SLC38A8: variants seen among roughly 807,000 people sequenced by gnomAD.
The protein encoded by SLC38A8 is solute carrier family 38 member 8.
A neutral mutation model predicts 46.0 loss-of-function variants in SLC38A8; 65 were observed. The observed-to-expected ratio is 1.41, with a 90% CI of 1.16 to 1.74. The LOEUF (loss-of-function observed/expected upper bound fraction) is 1.74, where lower values mean the gene tolerates loss of function less well. Among genes scored for constraint, SLC38A8 ranks in the 40% most tolerant of loss-of-function variants. SLC38A8 has a pLI of 0.00. For missense variants in SLC38A8, 998 were observed against 567.9 expected, an observed-to-expected ratio of 1.76 and a Z score of -7.70; for synonymous variants, 447 against 243.7, an observed-to-expected ratio of 1.83 and a Z score of -7.77.
At chr16:84,011,904 G>T (rs996962595) in intron 10 of SLC38A8, among the ~76,000 whole-genome samples, 1 of 152,092 alleles carries the variant, frequency 6.6e-6, no homozygotes, top group African/African-American at 2.4e-5. Context: ...ATAAATAAAA[G>T]CAGAGGGATT....
chr16:84,028,586 A>C (rs1243931157), intron 6 of SLC38A8, among the ~76,000 whole-genome samples: 2 of 151,558 alleles, frequency 1.3e-5, no homozygotes, highest in African/African-American at 4.8e-5. Flanking sequence ...AAAAAAAAGA[A>C]AGAAATGGAA....
intron 2 of SLC38A8, among the ~76,000 whole-genome samples, chr16:84,040,700 C>T (rs1597282848): frequency 6.6e-6 from 1 of 152,330 alleles, no homozygotes; most frequent in East Asian, 1.9e-4. Context: ...CTTACCATTT[C>T]CAGTGGGGCT....
chr16:84,026,681 CAG>C (rs2085168253), intron 6 of SLC38A8, among the ~76,000 whole-genome samples: 1 of 152,190 alleles, frequency 6.6e-6, no homozygotes, highest in East Asian at 1.9e-4. Flanking sequence ...CATCAAAGGA[CAG>C]GGGATAAAGC....
At chr16:84,017,106 G>A in intron 8 of SLC38A8, 34 bp downstream of exon 8, 3 of 1,612,052 alleles carry the variant, frequency 1.9e-6, no homozygotes, top group Non-Finnish European at 2.5e-6. Context: ...AGCAGACCAT[G>A]CTTCACGGTG....
At chr16:84,030,257 C>T (rs911854599) in intron 5 of SLC38A8, among the ~76,000 whole-genome samples, 5 of 152,086 alleles carry the variant, frequency 3.3e-5, no homozygotes, top group African/African-American at 1.2e-4. Flanking sequence ...CTGGAGTCTT[C>T]GGAGGGAGCA....
In SLC38A8 at chr16:84,031,988, A is replaced by G; in HGVS notation, c.531-20T>C. 6.2e-7 allele frequency: 1 copy of G among 1,607,910 alleles called. No homozygotes were observed. Among genetic ancestry groups the G allele is most frequent in the Admixed American group, 1.7e-5 (1 of 59,970 alleles). ...AGGATGCTAACACAGTGACCGTGTG[A>G]GGGGCTGCGCAGTGGGTGACATGTG... On this transcript the variant is annotated intron_variant, in intron 4 of 10. Coordinates refer to ENST00000299709, the MANE Select transcript of SLC38A8 (RefSeq NM_001080442.3).
At chr16:84,041,856 G>A (rs527586252) in intron 2 of SLC38A8, 113 bp downstream of exon 2, 49 of 940,722 alleles carry the variant, frequency 5.2e-5, no homozygotes, top group African/African-American at 3.5e-4. Context: ...ATAAAACCCC[G>A]AAGCTATAGC....
intron 9 of SLC38A8, 113 bp downstream of exon 9, chr16:84,016,406 T>G (rs2085025829): frequency 1.6e-6 from 2 of 1,249,658 alleles, no homozygotes; most frequent in South Asian, 3.0e-5. Flanking sequence ...GTCTTAATCC[T>G]ACCCATATGT....
chr16:84,017,437 C>T (rs2085044208), intron 7 of SLC38A8, 150 bp from the exon 8 acceptor site: 1 of 888,000 alleles, frequency 1.1e-6, no homozygotes, highest in Non-Finnish European at 1.7e-6. Flanking sequence ...CAAAGCTTTC[C>T]TGTCCTAAGC....
chr16:84,031,899 C>G lies in SLC38A8; in HGVS notation c.600G>C (p.Gln200His). The change falls in exon 5 of 11, where the codon CAG becomes CAC. Residue 200 changes from glutamine to histidine, a missense_variant. Physicochemically the swap from Gln to His is conservative, Grantham distance 24. Transcript: ENST00000299709. The stretch of plus-strand genomic sequence containing the variant: ...AAGGATGGGACTCACGCACGAGGCC[C>G]TGGGGCCAGAGGTAGTACTGCACGG... ...VITVQYYLWPQGLVRESHPSL... is the reference protein window; with the variant it reads ...VITVQYYLWPHGLVRESHPSL... 4 of 1,614,200 alleles carry G rather than the reference C, an allele frequency of 2.5e-6. No individual in the cohort carries two copies. The highest frequency in any genetic ancestry group is 2.7e-5 in the African/African-American group (2 of 75,078).
intron 9 of SLC38A8, among the ~76,000 whole-genome samples, chr16:84,014,599 C>T (rs7194252): frequency 6.6e-6 from 1 of 152,214 alleles, no homozygotes; most frequent in Non-Finnish European, 1.5e-5. Flanking sequence ...ATGGCCACTC[C>T]CCTCACCTCT....
At chr16:84,029,647 G>T (rs1037881394) in intron 5 of SLC38A8, 96 bp from the exon 6 acceptor site, 9 of 1,222,336 alleles carry the variant, frequency 7.4e-6, no homozygotes, top group East Asian at 2.4e-5. Flanking sequence ...CTGGGAAAAT[G>T]TAACAGAGCA....
chr16:84,012,071 C>G (rs1329980152), intron 10 of SLC38A8, among the ~76,000 whole-genome samples: 3 of 152,168 alleles, frequency 2.0e-5, no homozygotes, highest in African/African-American at 4.8e-5. Context: ...ACTCCTGGCT[C>G]CAGAACTGGG....
chr16:84,013,713 G>A (rs1025425248), intron 9 of SLC38A8, among the ~76,000 whole-genome samples: 6 of 150,254 alleles, frequency 4.0e-5, no homozygotes, highest in South Asian at 2.1e-4. Context: ...ACAGGCATGA[G>A]CCACTGCACC....
chr16:84,022,990 G>A (rs938982278), intron 6 of SLC38A8, 101 bp from the exon 7 acceptor site: 6 of 781,538 alleles, frequency 7.7e-6, no homozygotes, highest in East Asian at 5.7e-5. Flanking sequence ...GGGATATGAT[G>A]AGGTTTCTCT....
chr16:84,041,905 C>A, intron 2 of SLC38A8, 64 bp downstream of exon 2: 1 of 1,441,772 alleles, frequency 6.9e-7, no homozygotes, highest in South Asian at 1.4e-5. Context: ...ATGCGAGGAA[C>A]CCCACCCAGA....
intron 6 of SLC38A8, among the ~76,000 whole-genome samples, chr16:84,026,388 G>A (rs557440773): frequency 1.8e-4 from 27 of 152,284 alleles, no homozygotes; most frequent in Admixed American, 1.4e-3. Context: ...CGCCATGCCC[G>A]GCTAATTTTT....
chr16:84,028,458 G>T (rs531677244), intron 6 of SLC38A8, among the ~76,000 whole-genome samples: 2 of 151,792 alleles, frequency 1.3e-5, no homozygotes, highest in Non-Finnish European at 2.9e-5. Context: ...GGTGGTGCAC[G>T]CCTGTAGTCC....
intron 7 of SLC38A8, 133 bp downstream of exon 7, chr16:84,022,642 G>A: frequency 2.9e-6 from 2 of 689,274 alleles, no homozygotes; most frequent in South Asian, 1.8e-5. Flanking sequence ...GCACACTAAG[G>A]ATTAAATAAG....
Sources: gnomAD v4.1 joint callset for allele counts (sites outside exome capture counted in the v4.1 genomes callset) on GRCh38, gnomAD v4.1.1 for gene constraint, MANE v1.5 for transcripts, NCBI Gene and HGNC (gene_info 2026-07-23, HGNC 2026-07-21) for gene names.